Variants in KCNIP4 observed in about 807,000 individuals in gnomAD.
KCNIP4 encodes Kv channel-interacting protein 4.
A neutral mutation model predicts 34.0 loss-of-function variants in KCNIP4; 12 were observed. The observed-to-expected ratio is 0.35, with a 90% CI of 0.23 to 0.57. The LOEUF (loss-of-function observed/expected upper bound fraction) is 0.57, where lower values mean the gene tolerates loss of function less well. Among genes scored for constraint, KCNIP4 ranks in the 20% least tolerant of loss-of-function variants. KCNIP4 has a pLI of 0.83. For missense variants in KCNIP4, 238 were observed against 311.7 expected, an observed-to-expected ratio of 0.76 and a Z score of 1.78; for synonymous variants, 124 against 102.2, an observed-to-expected ratio of 1.21 and a Z score of -1.29.
chr4:20,853,551 A>G (rs776469240), intron 2 of KCNIP4, among the ~76,000 whole-genome samples: 1 of 152,198 alleles, frequency 6.6e-6, no homozygotes, highest in Non-Finnish European at 1.5e-5. Context: ...AGAAGATAAC[A>G]TTGGAAAAAC....
chr4:21,819,365 T>C (rs1012374548), intron 1 of KCNIP4, among the ~76,000 whole-genome samples: 2 of 152,214 alleles, frequency 1.3e-5, no homozygotes, highest in African/African-American at 4.8e-5. Context: ...TGTGCCAGAT[T>C]TCTTCAGTCT....
intron 1 of KCNIP4, among the ~76,000 whole-genome samples, chr4:21,357,215 A>G (rs1168155566): frequency 6.6e-6 from 1 of 152,218 alleles, no homozygotes; most frequent in Non-Finnish European, 1.5e-5. Flanking sequence ...TAAAAACCCT[A>G]GAAGAAAACT....
In KCNIP4 at chr4:20,914,185, G is replaced by A. The variant is rs189176036; in HGVS notation, c.62-31476C>T. Among the ~76,000 whole-genome samples, 619 of 152,010 alleles carry A rather than the reference G, an allele frequency of 4.1e-3. 4 individuals carry two copies. Among genetic ancestry groups the A allele is most frequent in the African/African-American group, 0.014 (578 of 41,478 alleles). On this transcript the variant is annotated intron_variant, in intron 1 of 8. Transcript: ENST00000382152. ...AAAGAAAAAAAAAAGAAAAGAAACA[G>A]TACCAGGCATTCAATAAGTACTTAA...
intron 2 of KCNIP4, among the ~76,000 whole-genome samples, chr4:20,870,645 C>A (rs2149509439): frequency 6.6e-6 from 1 of 152,178 alleles, no homozygotes; most frequent in South Asian, 2.1e-4. Flanking sequence ...ACCACAGCTC[C>A]CTGAGGACCT....
intron 2 of KCNIP4, among the ~76,000 whole-genome samples, chr4:20,864,549 G>C (rs1040798799): frequency 6.6e-6 from 1 of 151,998 alleles, no homozygotes; most frequent in African/African-American, 2.4e-5. Flanking sequence ...TGGAGTCTGG[G>C]AAGTCTGGTT....
At chr4:21,939,257 A>C (rs1367991209) in intron 1 of KCNIP4, among the ~76,000 whole-genome samples, 1 of 152,136 alleles carries the variant, frequency 6.6e-6, no homozygotes, top group Admixed American at 6.5e-5. Context: ...ACTAATTTTC[A>C]TTTGGAGGTT....
chr4:21,238,617 T>G (rs1488275466), intron 1 of KCNIP4, among the ~76,000 whole-genome samples: 1 of 152,086 alleles, frequency 6.6e-6, no homozygotes, highest in African/African-American at 2.4e-5. Flanking sequence ...ATGAGTGAAC[T>G]CCCATTCACA....
chr4:20,868,146 A>G (rs1723058367), intron 2 of KCNIP4, among the ~76,000 whole-genome samples: 1 of 152,128 alleles, frequency 6.6e-6, no homozygotes, highest in Admixed American at 6.6e-5. Flanking sequence ...ACTTAAATCA[A>G]CAAGCTAAAA....
At chr4:21,454,402 A>G (rs1269861247) in intron 1 of KCNIP4, among the ~76,000 whole-genome samples, 1 of 152,090 alleles carries the variant, frequency 6.6e-6, no homozygotes, top group Non-Finnish European at 1.5e-5. Flanking sequence ...AAGCTTGAGA[A>G]GGCCGTGAGA....
chr4:21,086,153 A>T (rs951355720), intron 1 of KCNIP4, among the ~76,000 whole-genome samples: 6 of 152,132 alleles, frequency 3.9e-5, no homozygotes, highest in Admixed American at 3.3e-4. Flanking sequence ...TATTTTTTTC[A>T]TCCTACCACC....
intron 1 of KCNIP4, among the ~76,000 whole-genome samples, chr4:21,775,969 T>A (rs1015414635): frequency 3.3e-5 from 5 of 152,182 alleles, no homozygotes; most frequent in Admixed American, 3.3e-4. Flanking sequence ...CTGGTGCGGG[T>A]CACCCCTCAC....
chr4:21,279,660 G>T (rs1762658739), intron 1 of KCNIP4, among the ~76,000 whole-genome samples: 1 of 151,744 alleles, frequency 6.6e-6, no homozygotes, highest in South Asian at 2.1e-4. Context: ...TCTAGTCTAG[G>T]CACTGGTGAT....
intron 1 of KCNIP4, among the ~76,000 whole-genome samples, chr4:21,447,370 T>G (rs1295005154): frequency 2.6e-5 from 4 of 152,134 alleles, no homozygotes; most frequent in African/African-American, 9.7e-5. Context: ...TGCTGACAAC[T>G]TGATCTTGGC....
At chr4:21,272,386 T>A (rs1490446805) in intron 1 of KCNIP4, among the ~76,000 whole-genome samples, 1 of 152,210 alleles carries the variant, frequency 6.6e-6, no homozygotes, top group Non-Finnish European at 1.5e-5. Flanking sequence ...GAGTGCTTAC[T>A]GTGAGTCATA....
chr4:21,002,509 C>T (rs1161779620), intron 1 of KCNIP4, among the ~76,000 whole-genome samples: 2 of 152,180 alleles, frequency 1.3e-5, no homozygotes, highest in Non-Finnish European at 2.9e-5. Context: ...TCTTTCTTTG[C>T]CACTTCCCAG....
intron 1 of KCNIP4, among the ~76,000 whole-genome samples, chr4:20,969,548 GTGTGTGTT>G (rs1030680479): frequency 9.8e-5 from 13 of 132,870 alleles, no homozygotes; most frequent in African/African-American, 4.6e-4. Flanking sequence ...AATTTGCTGC[GTGTGTGTT>G]TGTGTGTGTG....
chr4:21,719,986 G>GA (rs1714673623), intron 1 of KCNIP4, among the ~76,000 whole-genome samples: 2 of 115,722 alleles, frequency 1.7e-5, no homozygotes, highest in Non-Finnish European at 1.6e-5. Context: ...AAAAGAAGAA[G>GA]AGGAAGAAGA....
chr4:20,870,851 A>C (rs1455560967), intron 2 of KCNIP4, among the ~76,000 whole-genome samples: 1 of 152,082 alleles, frequency 6.6e-6, no homozygotes, highest in Non-Finnish European at 1.5e-5. Flanking sequence ...TATCCCCACT[A>C]AATGAACTTG....
chr4:21,582,440 T>A (rs954667651), intron 1 of KCNIP4: 5 of 151,960 alleles, frequency 3.3e-5, no homozygotes, highest in African/African-American at 1.2e-4. Flanking sequence ...GTTGGTAATT[T>A]TTTTAACCTA....
Sources: gnomAD v4.1 joint callset for allele counts (sites outside exome capture counted in the v4.1 genomes callset) on GRCh38, gnomAD v4.1.1 for gene constraint, MANE v1.5 for transcripts, NCBI Gene and HGNC (gene_info 2026-07-23, HGNC 2026-07-21) for gene names.